Variants in HIPK3 observed in about 807,000 individuals in gnomAD.
HIPK3 encodes the protein homeodomain interacting protein kinase 3.
In HIPK3, 47 loss-of-function variants were observed where a neutral mutation model predicts 124.2. The ratio of observed to expected loss-of-function variants is 0.38; its 90% CI spans 0.30 to 0.48. The LOEUF is 0.48. Ranked by LOEUF, HIPK3 falls within the 20% of genes least tolerant of loss-of-function variation. The pLI, the probability that HIPK3 is intolerant of heterozygous loss-of-function variation, is 0.98. For synonymous variants in HIPK3, 482 were observed against 515.2 expected (o/e 0.94, Z 0.87); for missense variants, 1,286 against 1,454.3 (o/e 0.88, Z 1.88).
intron 1 of HIPK3, among the ~76,000 whole-genome samples, chr11:33,269,802 C>T (rs560780382): frequency 6.6e-6 from 1 of 152,068 alleles, no homozygotes; most frequent in South Asian, 2.1e-4. Context: ...TAATTGTTTA[C>T]AGTGTCCCCT....
chr11:33,341,501 A>G (rs1853333092), intron 7 of HIPK3, 62 bp from the exon 8 acceptor site: 8 of 1,428,170 alleles, frequency 5.6e-6, no homozygotes, highest in Non-Finnish European at 6.6e-6. Context: ...TTTGAATTCT[A>G]TTTATACAGC....
chr11:33,285,901 A>C (rs928243630), intron 1 of HIPK3, among the ~76,000 whole-genome samples: 2 of 151,954 alleles, frequency 1.3e-5, no homozygotes, highest in African/African-American at 4.8e-5. Flanking sequence ...CCTCCCGAGT[A>C]GCTGGGACCA....
At chr11:33,309,025 G>T (rs1481099304) in intron 2 of HIPK3, among the ~76,000 whole-genome samples, 1 of 152,026 alleles carries the variant, frequency 6.6e-6, no homozygotes, top group Non-Finnish European at 1.5e-5. Context: ...TCTCTGAAAA[G>T]GAATTTAGAG....
chr11:33,305,449 TG>T (rs1852129424), intron 2 of HIPK3, among the ~76,000 whole-genome samples: 2 of 152,248 alleles, frequency 1.3e-5, no homozygotes, highest in South Asian at 4.1e-4. Flanking sequence ...TGATATTTAC[TG>T]ACTGCTTAGG....
At chr11:33,333,670 C>T (rs1333234700) in intron 3 of HIPK3, among the ~76,000 whole-genome samples, 1 of 152,096 alleles carries the variant, frequency 6.6e-6, no homozygotes, top group Non-Finnish European at 1.5e-5. Context: ...TTTCACTGGC[C>T]ACTTTTGTTT....
At chr11:33,311,172 C>A (rs1019592119) in intron 2 of HIPK3, among the ~76,000 whole-genome samples, 2 of 152,082 alleles carry the variant, frequency 1.3e-5, no homozygotes, top group Non-Finnish European at 2.9e-5. Context: ...GATGACTTTG[C>A]GCATTGTTTT....
chr11:33,314,104 G>A (rs1852426063), intron 2 of HIPK3, among the ~76,000 whole-genome samples: 1 of 152,186 alleles, frequency 6.6e-6, no homozygotes, highest in South Asian at 2.1e-4. Context: ...TTACAGGTAT[G>A]AGCCACTGCA....
intron 1 of HIPK3, among the ~76,000 whole-genome samples, chr11:33,274,180 G>T (rs1851211677): frequency 6.6e-6 from 1 of 152,188 alleles, no homozygotes; most frequent in Non-Finnish European, 1.5e-5. Flanking sequence ...GCTGTCAGCA[G>T]TGGGCATTCG....
chr11:33,264,212 A>G (rs939413015), intron 1 of HIPK3, among the ~76,000 whole-genome samples: 2 of 152,086 alleles, frequency 1.3e-5, no homozygotes, highest in Non-Finnish European at 2.9e-5. Flanking sequence ...TTAGAGAAGC[A>G]TAATAAAGGA....
intron 2 of HIPK3, among the ~76,000 whole-genome samples, chr11:33,294,583 A>C (rs1565069242): frequency 6.6e-6 from 1 of 151,840 alleles, no homozygotes; most frequent in Non-Finnish European, 1.5e-5. Context: ...AATATTATTG[A>C]TTTGATGAAC....
intron 2 of HIPK3, among the ~76,000 whole-genome samples, chr11:33,300,326 T>C (rs1429928161): frequency 2.0e-5 from 3 of 150,414 alleles, no homozygotes; most frequent in Non-Finnish European, 4.4e-5. Context: ...CCAGCCTGGG[T>C]GACAAGAGCA....
At chr11:33,268,591 C>CAAAAAAAAAAAAAAAAAAAAAAAAAAAA (rs35408664) in intron 1 of HIPK3, among the ~76,000 whole-genome samples, 2 of 76,036 alleles carry the variant, frequency 2.6e-5, no homozygotes, top group Non-Finnish European at 5.0e-5. Context: ...ACTCCGTCAC[C>CAAAAAAAAAAAAAAAAAAAAAAAAAAAA]AAAAAAAAAA....
rs974543523 is a variant in HIPK3, at chr11:33,261,144, ATATAT to A, written c.-3+3261_-3+3265del. ...ATATATATTATATATAAAATATAAA[ATATAT>A]TATATAAATATATATAATACATTAT... On this transcript the variant is annotated intron_variant, in intron 1 of 16. Transcript: ENST00000303296. Among the ~76,000 whole-genome samples the A allele has an allele frequency of 5.6e-4, 83 of 147,046 alleles. No homozygotes were observed. In the East Asian group the frequency reaches 7.0e-3, roughly 12 times the overall value.
At chr11:33,290,840 CTA>C (rs1439350239) in intron 2 of HIPK3, among the ~76,000 whole-genome samples, 1 of 151,892 alleles carries the variant, frequency 6.6e-6, no homozygotes, top group Non-Finnish European at 1.5e-5. Flanking sequence ...TTAGTAGTTT[CTA>C]ATTTGTGTTT....
intron 1 of HIPK3, among the ~76,000 whole-genome samples, chr11:33,262,753 A>G (rs545613770): frequency 6.6e-6 from 1 of 152,252 alleles, no homozygotes; most frequent in South Asian, 2.1e-4. Flanking sequence ...TGTTACTTTA[A>G]ACTAATTTCT....
intron 2 of HIPK3, among the ~76,000 whole-genome samples, chr11:33,302,381 GGCT>G (rs1034409730): frequency 8.7e-5 from 11 of 126,210 alleles, no homozygotes; most frequent in African/African-American, 3.2e-4. Context: ...CTGTTTCCCA[GGCT>G]GGGGTGCAGT....
chr11:33,288,883 A>G lies in HIPK3; in HGVS notation c.1097+1372A>G, dbSNP rs550844693. On this transcript the variant is annotated intron_variant, in intron 2 of 16. Coordinates refer to ENST00000303296, the MANE Select transcript of HIPK3 (RefSeq NM_005734.5). ...ATACAGACAAATACAGGATCTGCCAATATTGGTCATTCATGCAGTTTATTG... is the reference window on the plus strand; with the variant it reads ...ATACAGACAAATACAGGATCTGCCAGTATTGGTCATTCATGCAGTTTATTG... Among the ~76,000 whole-genome samples the G allele has an allele frequency of 8.8e-4, 134 of 152,336 alleles. 1 individual carries two copies. Among genetic ancestry groups the G allele is most frequent in the South Asian group, 4.6e-3 (22 of 4,830 alleles).
At chr11:33,287,544 A>G (rs761538775) in intron 2 of HIPK3, 33 bp downstream of exon 2, 6 of 1,570,044 alleles carry the variant, frequency 3.8e-6, no homozygotes, top group Non-Finnish European at 5.2e-6. Context: ...TTGGTTGTTT[A>G]TTAATGTGAA....
chr11:33,259,201 A>C (rs181481648), intron 1 of HIPK3, among the ~76,000 whole-genome samples: 4 of 152,314 alleles, frequency 2.6e-5, no homozygotes, highest in African/African-American at 9.6e-5. Flanking sequence ...GGCTCTTTAA[A>C]ATTTTTAAAG....
Sources: gnomAD v4.1 joint callset for allele counts (sites outside exome capture counted in the v4.1 genomes callset) on GRCh38, gnomAD v4.1.1 for gene constraint, MANE v1.5 for transcripts, NCBI Gene and HGNC (gene_info 2026-07-23, HGNC 2026-07-21) for gene names.